The following GALNTL6 variants were observed in gnomAD, a reference collection of about 807,000 sequenced individuals.
The protein encoded by GALNTL6 is polypeptide N-acetylgalactosaminyltransferase like 6, also known as polypeptide N-acetylgalactosaminyltransferase-like 6.
A neutral mutation model predicts 73.7 loss-of-function variants in GALNTL6; 46 were observed. The observed-to-expected ratio is 0.62, with a 90% CI of 0.49 to 0.80. The LOEUF (loss-of-function observed/expected upper bound fraction) is 0.80, where lower values mean the gene tolerates loss of function less well. Ranked by LOEUF, GALNTL6 falls within the 30% of genes least tolerant of loss-of-function variation. The probability of loss-of-function intolerance (pLI) is 0.00; values close to 1 mark genes in which losing one functional copy is unlikely to be tolerated. For synonymous variants in GALNTL6, 259 were observed against 263.7 expected (o/e 0.98, Z 0.17); for missense variants, 604 against 755.0 (o/e 0.80, Z 2.34).
At chr4:172,600,022 G>C (rs1737996302) in intron 5 of GALNTL6, among the ~76,000 whole-genome samples, 2 of 152,078 alleles carry the variant, frequency 1.3e-5, no homozygotes, top group African/African-American at 4.8e-5. Context: ...CGACAAAAAA[G>C]TTAACAGGTA....
At chr4:172,277,356 C>T (rs181336968) in intron 3 of GALNTL6, among the ~76,000 whole-genome samples, 11 of 152,120 alleles carry the variant, frequency 7.2e-5, no homozygotes, top group Admixed American at 3.3e-4. Context: ...TACCTGTGCC[C>T]GGAGCTGTCT....
chr4:172,211,372 T>G (rs1207157032), intron 2 of GALNTL6, among the ~76,000 whole-genome samples: 1 of 152,242 alleles, frequency 6.6e-6, no homozygotes, highest in Non-Finnish European at 1.5e-5. Flanking sequence ...TTTCTATATG[T>G]AATTATCTGT....
chr4:172,497,940 A>G (rs1299099535), intron 5 of GALNTL6, among the ~76,000 whole-genome samples: 1 of 151,984 alleles, frequency 6.6e-6, no homozygotes, highest in Non-Finnish European at 1.5e-5. Flanking sequence ...ATTCACTTCT[A>G]TAAAGATCTG....
intron 5 of GALNTL6, among the ~76,000 whole-genome samples, chr4:172,464,612 C>A (rs543171789): frequency 8.4e-4 from 128 of 152,068 alleles, no homozygotes; most frequent in African/African-American, 3.1e-3. Flanking sequence ...GAGGCTGAGG[C>A]AAGAGAATCT....
intron 2 of GALNTL6, among the ~76,000 whole-genome samples, chr4:171,829,801 A>C (rs552479315): frequency 6.6e-6 from 1 of 152,218 alleles, no homozygotes; most frequent in East Asian, 1.9e-4. Flanking sequence ...GAATGGTGGC[A>C]CCTAAGAAGA....
At chr4:172,727,946 T>C (rs1735918878) in intron 5 of GALNTL6, among the ~76,000 whole-genome samples, 1 of 152,160 alleles carries the variant, frequency 6.6e-6, no homozygotes, top group African/African-American at 2.4e-5. Context: ...AGAGTCTCGC[T>C]GTATCACCCA....
intron 5 of GALNTL6, among the ~76,000 whole-genome samples, chr4:172,727,066 AG>A: frequency 6.6e-6 from 1 of 152,252 alleles, no homozygotes; most frequent in Non-Finnish European, 1.5e-5. Flanking sequence ...TGAGGTTAAA[AG>A]TATTTAAATA....
intron 5 of GALNTL6, among the ~76,000 whole-genome samples, chr4:172,764,080 T>C (rs1242362214): frequency 6.6e-6 from 1 of 151,688 alleles, no homozygotes; most frequent in East Asian, 1.9e-4. Flanking sequence ...TGCCTCAGCC[T>C]CCCAAGTAGC....
At chr4:172,242,721 G>A (rs1737487792) in intron 3 of GALNTL6, among the ~76,000 whole-genome samples, 1 of 152,060 alleles carries the variant, frequency 6.6e-6, no homozygotes, top group Admixed American at 6.6e-5. Flanking sequence ...ACTAATTCAA[G>A]AAATACTTTT....
At chr4:172,212,914 G>A (rs148942722) in intron 2 of GALNTL6, among the ~76,000 whole-genome samples, 7,431 of 151,350 alleles carry the variant, frequency 0.049, 237 homozygotes, top group South Asian at 0.092. Flanking sequence ...CAAGTGATCC[G>A]CCTACCTTGG....
intron 2 of GALNTL6, among the ~76,000 whole-genome samples, chr4:172,051,202 G>A (rs1730848418): frequency 6.6e-6 from 1 of 152,112 alleles, no homozygotes; most frequent in Non-Finnish European, 1.5e-5. Flanking sequence ...GAGACGGGCA[G>A]GTGCAGGAGC....
rs527461143 is a variant in GALNTL6, at chr4:172,069,486, C to CAG, written c.139-160169_139-160168insGA. Among the ~76,000 whole-genome samples, 3 of 32,494 alleles carry CAG rather than the reference C, an allele frequency of 9.2e-5. 1 individual carries two copies. In the South Asian group the frequency reaches 3.9e-3, roughly 42 times the overall value. 21.3% of individuals were successfully genotyped at this position (32,494 alleles called of 152,430 possible). A position where few individuals can be genotyped will look rare whatever the true frequency, so the allele number is the denominator to read the frequency against. On this transcript the variant is annotated intron_variant, in intron 2 of 12. Coordinates refer to ENST00000506823, the MANE Select transcript of GALNTL6 (RefSeq NM_001034845.3). ...CATATAACATATATGTTATATATAA[C>CAG]ACATATGTTATATGTATAACACATA...
intron 5 of GALNTL6, among the ~76,000 whole-genome samples, chr4:172,761,974 G>A (rs1042433383): frequency 6.6e-6 from 1 of 152,178 alleles, no homozygotes; most frequent in Non-Finnish European, 1.5e-5. Context: ...ACAGTGCAAA[G>A]TGACAAATCT....
intron 5 of GALNTL6, among the ~76,000 whole-genome samples, chr4:172,405,279 TAC>T (rs1200382562): frequency 6.7e-6 from 1 of 149,860 alleles, no homozygotes; most frequent in East Asian, 1.9e-4. Flanking sequence ...TTAAAAGAAA[TAC>T]ATACTTATAT....
At chr4:172,704,719 G>A (rs1579365240) in intron 5 of GALNTL6, among the ~76,000 whole-genome samples, 1 of 152,014 alleles carries the variant, frequency 6.6e-6, no homozygotes. Context: ...TTGGTCTAGA[G>A]TGCAGTTTAA....
intron 5 of GALNTL6, among the ~76,000 whole-genome samples, chr4:172,721,095 GGAT>G (rs772980274): frequency 6.6e-5 from 10 of 152,166 alleles, no homozygotes; most frequent in Non-Finnish European, 1.2e-4. Flanking sequence ...TGCATAAAAA[GGAT>G]GATAAGATGG....
In GALNTL6 at chr4:172,210,013, A is replaced by G. The variant is rs138274040; in HGVS notation, c.139-19643A>G. Among the ~76,000 whole-genome samples, 282 of 152,216 alleles carry G rather than the reference A, an allele frequency of 1.9e-3. 1 individual carries two copies. The highest frequency in any genetic ancestry group is 6.2e-3 in the African/African-American group (257 of 41,570). Reference sequence around the variant, plus strand: ...TAACAGTTATTAATTATGCTAATGCATATCATAGTAAAGAATGAATAATGT... The same window carrying G: ...TAACAGTTATTAATTATGCTAATGCGTATCATAGTAAAGAATGAATAATGT... On this transcript the variant is annotated intron_variant, in intron 2 of 12. Coordinates refer to ENST00000506823, the MANE Select transcript of GALNTL6 (RefSeq NM_001034845.3).
intron 10 of GALNTL6, among the ~76,000 whole-genome samples, chr4:172,962,594 C>T (rs1222057341): frequency 6.6e-6 from 1 of 151,802 alleles, no homozygotes; most frequent in East Asian, 1.9e-4. Flanking sequence ...TCTTTTTAAG[C>T]ATTTATGGGA....
Position 171,921,376 on chromosome 4 carries a change from C to CGTCTA in GALNTL6, c.138+106659_138+106663dup, listed in dbSNP as rs1476624286. 2.6e-5 allele frequency among the ~76,000 whole-genome samples: 4 copies of CGTCTA among 152,044 alleles called. No homozygotes were observed. In the South Asian group the frequency reaches 8.3e-4, roughly 32 times the overall value. ...CACATAACTATCTGTCTCTTCTATC[C>CGTCTA]GTCTATCTACCTTGTACCTATGCAG... On this transcript the variant is annotated intron_variant, in intron 2 of 12. Coordinates refer to ENST00000506823, the MANE Select transcript of GALNTL6 (RefSeq NM_001034845.3).
Sources: gnomAD v4.1 joint callset for allele counts (sites outside exome capture counted in the v4.1 genomes callset) on GRCh38, gnomAD v4.1.1 for gene constraint, MANE v1.5 for transcripts, NCBI Gene and HGNC (gene_info 2026-07-23, HGNC 2026-07-21) for gene names.